Variants in CRTAC1 observed in about 807,000 individuals in gnomAD.
CRTAC1 encodes cartilage acidic protein 1.
In CRTAC1, 37 loss-of-function variants were observed where a neutral mutation model predicts 67.8. The observed-to-expected ratio is 0.55, with a 90% confidence interval of 0.42 to 0.72. The LOEUF is 0.72. Among genes scored for constraint, CRTAC1 ranks in the 30% least tolerant of loss-of-function variants. The pLI, the probability that CRTAC1 is intolerant of heterozygous loss-of-function variation, is 0.00. For missense variants in CRTAC1, 780 were observed against 931.6 expected, an observed-to-expected ratio of 0.84 and a Z score of 2.12; for synonymous variants, 348 against 371.0, an observed-to-expected ratio of 0.94 and a Z score of 0.71.
intron 4 of CRTAC1, 135 bp downstream of exon 4, chr10:97,923,126 TTAG>T: frequency 1.1e-6 from 1 of 900,502 alleles, no homozygotes; most frequent in East Asian, 2.6e-5. Flanking sequence ...TCTGCAAGTC[TTAG>T]TTGTTGGTAT....
chr10:97,880,202 A>C (rs908120908), intron 14 of CRTAC1, 47 bp downstream of exon 14: 9 of 1,601,768 alleles, frequency 5.6e-6, no homozygotes, highest in Non-Finnish European at 6.8e-6. Flanking sequence ...TCCCCAGTGG[A>C]AAGCAACATC....
intron 2 of CRTAC1, among the ~76,000 whole-genome samples, chr10:97,949,398 G>A (rs560791593): frequency 1.2e-4 from 19 of 152,294 alleles, no homozygotes; most frequent in Non-Finnish European, 2.4e-4. Context: ...TGGACAAAAG[G>A]GCACAGGCAG....
intron 3 of CRTAC1, among the ~76,000 whole-genome samples, chr10:97,931,525 AC>A (rs1245667912): frequency 2.0e-5 from 3 of 152,254 alleles, no homozygotes; most frequent in Non-Finnish European, 4.4e-5. Context: ...CTCTCTGTGT[AC>A]TGCCATGAAA....
chr10:97,903,032 T>G (rs562293555), intron 7 of CRTAC1, among the ~76,000 whole-genome samples: 2 of 151,958 alleles, frequency 1.3e-5, no homozygotes, highest in African/African-American at 4.8e-5. Flanking sequence ...ATGCCTGAGC[T>G]TCCGAGATAA....
At chr10:97,999,089 A>G (rs1564929400) in intron 2 of CRTAC1, among the ~76,000 whole-genome samples, 1 of 152,208 alleles carries the variant, frequency 6.6e-6, no homozygotes, top group Non-Finnish European at 1.5e-5. Context: ...AGGGAGGTGC[A>G]GCTGCAGGCC....
Position 98,018,130 on chromosome 10 carries a change from G to A in CRTAC1, c.25-6793C>T, listed in dbSNP as rs549429097. Among the ~76,000 whole-genome samples, 3 of 148,346 alleles carry A rather than the reference G, an allele frequency of 2.0e-5. No homozygotes were observed. In the Admixed American group the frequency reaches 2.0e-4, roughly 10 times the overall value. On this transcript the variant is annotated intron_variant, in intron 1 of 14. Transcript: ENST00000370597. ...GGCAGGAATTGCTTGAACCCAGGAG[G>A]CGGAGGTTGCAGCAGTGAGCCAAGA...
chr10:97,924,781 C>T (rs902939280), intron 3 of CRTAC1, among the ~76,000 whole-genome samples: 1 of 152,184 alleles, frequency 6.6e-6, no homozygotes, highest in Non-Finnish European at 1.5e-5. Flanking sequence ...TTCCAAGGTT[C>T]TTTAGAGACA....
At chr10:97,927,710 G>A (rs1303705961) in intron 3 of CRTAC1, among the ~76,000 whole-genome samples, 1 of 152,236 alleles carries the variant, frequency 6.6e-6, no homozygotes, top group African/African-American at 2.4e-5. Context: ...AAAATCAATG[G>A]CAGCCCTTCT....
intron 11 of CRTAC1, among the ~76,000 whole-genome samples, chr10:97,893,526 T>C (rs2050407672): frequency 6.6e-6 from 1 of 152,196 alleles, no homozygotes; most frequent in African/African-American, 2.4e-5. Context: ...GAAGCCTCTT[T>C]AGACTTTTTC....
intron 11 of CRTAC1, among the ~76,000 whole-genome samples, chr10:97,893,107 T>C (rs1469607063): frequency 6.6e-6 from 1 of 152,192 alleles, no homozygotes; most frequent in Non-Finnish European, 1.5e-5. Context: ...GGGGATAATA[T>C]TGCTCATCTC....
chr10:97,980,433 A>G (rs1026997215), intron 2 of CRTAC1, among the ~76,000 whole-genome samples: 3 of 152,112 alleles, frequency 2.0e-5, no homozygotes, highest in African/African-American at 7.2e-5. Context: ...TATATTATAC[A>G]CTCCAAGAGT....
intron 3 of CRTAC1, among the ~76,000 whole-genome samples, chr10:97,929,114 G>A (rs910061592): frequency 6.6e-6 from 1 of 152,040 alleles, no homozygotes; most frequent in Non-Finnish European, 1.5e-5. Context: ...TGTGGAAACA[G>A]TGACCCAAGC....
intron 2 of CRTAC1, among the ~76,000 whole-genome samples, chr10:98,010,812 C>T (rs1842890407): frequency 6.6e-6 from 1 of 152,206 alleles, no homozygotes; most frequent in Non-Finnish European, 1.5e-5. Context: ...GAAGTAATAT[C>T]TGCATAATCA....
At chr10:97,923,487 C>A (rs1316932507) in intron 3 of CRTAC1, 87 bp from the exon 4 acceptor site, 22 of 1,546,814 alleles carry the variant, frequency 1.4e-5, no homozygotes, top group Non-Finnish European at 2.0e-5. Context: ...GCACCTTTCA[C>A]AAGGTGGTTG....
chr10:97,880,225 G>T, intron 14 of CRTAC1, 24 bp downstream of exon 14: 1 of 1,612,158 alleles, frequency 6.2e-7, no homozygotes, highest in Admixed American at 1.7e-5. Flanking sequence ...TTTGCTACTG[G>T]CCTATGGCTG....
chr10:97,908,787 A>G (rs1189607517), intron 5 of CRTAC1, among the ~76,000 whole-genome samples: 3 of 152,250 alleles, frequency 2.0e-5, no homozygotes, highest in African/African-American at 7.2e-5. Context: ...TATGGTTGAA[A>G]GAATCAGCAA....
chr10:97,922,013 C>T (rs1300893519), intron 4 of CRTAC1, among the ~76,000 whole-genome samples: 1 of 151,910 alleles, frequency 6.6e-6, no homozygotes, highest in Non-Finnish European at 1.5e-5. Flanking sequence ...ACCTGCATGC[C>T]TCTCCCCCCA....
At chr10:97,923,145 A>G in intron 4 of CRTAC1, 119 bp downstream of exon 4, 2 of 1,138,636 alleles carry the variant, frequency 1.8e-6, no homozygotes, top group South Asian at 2.9e-5. Context: ...GGTATTTAGC[A>G]CCCAATCTAT....
In CRTAC1 at chr10:97,865,543, C is replaced by T. The variant is rs992536018; in HGVS notation, c.*5G>A. The stretch of plus-strand genomic sequence containing the variant: ...TCCATCCGCTGGTTCATGTCCCACC[C>T]CTGCTCAGCAGCTGGGCTCGCAGCT... On this transcript the variant is annotated 3_prime_UTR_variant, in exon 15 of 15. Transcript: ENST00000370597. The T allele has an allele frequency of 1.9e-6, 3 of 1,604,120 alleles. No individual in the cohort carries two copies. The highest frequency in any genetic ancestry group is 2.6e-6 in the Non-Finnish European group (3 of 1,173,018).
Sources: allele counts gnomAD v4.1 joint callset (sites outside exome capture counted in the v4.1 genomes callset), GRCh38; gene constraint gnomAD v4.1.1; transcripts MANE v1.5; gene names NCBI Gene and HGNC (gene_info 2026-07-23, HGNC 2026-07-21).